Variants in GPLD1 observed in about 807,000 individuals in gnomAD.
The protein encoded by GPLD1 is glycosylphosphatidylinositol specific phospholipase D1.
Under a neutral mutation model 112.6 loss-of-function variants are expected in GPLD1, and 84 were observed. That is an observed-to-expected ratio of 0.75 (90% CI 0.63 to 0.89). GPLD1 has a LOEUF of 0.89. Among genes scored for constraint, GPLD1 ranks in the 40% least tolerant of loss-of-function variants. The pLI is 0.00. For missense variants in GPLD1, 1,044 were observed against 1,051.5 expected (o/e 0.99, Z 0.10); for synonymous variants, 386 against 403.8 (o/e 0.96, Z 0.53).
rs538819084 is a variant in GPLD1 at position 24,427,912 on chromosome 6, C to T, written c.*1120G>A. ...CTAACACACGACCAGGAACAGAAAA[C>T]CAAATACCAAGTATAGCATGTTCTC... is the stretch of plus-strand genomic sequence containing the variant. On this transcript the variant is annotated 3_prime_UTR_variant, in exon 25 of 25. Coordinates refer to ENST00000230036, the MANE Select transcript of GPLD1 (RefSeq NM_001503.4). Among the ~76,000 whole-genome samples the T allele has an allele frequency of 6.8e-6, 1 of 147,868 alleles. No homozygotes were observed. The highest frequency in any genetic ancestry group is 2.1e-4 in the South Asian group (1 of 4,666).
intron 2 of GPLD1, among the ~76,000 whole-genome samples, chr6:24,483,681 G>A (rs950879579): frequency 2.0e-5 from 3 of 151,836 alleles, no homozygotes; most frequent in South Asian, 2.1e-4. Flanking sequence ...TTAGAGAAAG[G>A]AGTTAAAGAT....
Position 24,454,021 on chromosome 6 carries a change from G to A in GPLD1, c.1329C>T (p.Gly443=), listed in dbSNP as rs1139470. The A allele has an allele frequency of 1.1e-5, 17 of 1,605,722 alleles. No individual in the cohort carries two copies. In the South Asian group the frequency reaches 1.5e-4, roughly 15 times the overall value. Reference sequence around the variant, plus strand: ...GGATGAGATGGTGTCTCACCTGGAAGCCTTCAAGGATCCTGTGGGCCTCCT... The same window carrying A: ...GGATGAGATGGTGTCTCACCTGGAAACCTTCAAGGATCCTGTGGGCCTCCT... ...LDKEAHRILE[G]FQPSGRFGSA... Residue 443 remains glycine, a synonymous_variant, in exon 14 of 25, where the codon GGC becomes GGT. Transcript: ENST00000230036.
rs141831916 is a variant in GPLD1, at chr6:24,458,161, A to T, written c.1009-1524T>A. Among the ~76,000 whole-genome samples, 3 of 151,866 alleles carry T rather than the reference A, an allele frequency of 2.0e-5. No homozygotes were observed. The East Asian group carries it at 5.8e-4, about 29-fold the overall frequency. On this transcript the variant is annotated intron_variant, in intron 12 of 24. Transcript: ENST00000230036. ...CCCAAGGGTGACATGAGACCAAACA[A>T]GATTTCCTAGGTCTGCTCCAAAGCA...
upstream of GPLD1, among the ~76,000 whole-genome samples, chr6:24,493,000 A>C (rs1346181130): frequency 6.6e-6 from 1 of 152,188 alleles, no homozygotes; most frequent in Non-Finnish European, 1.5e-5. Flanking sequence ...AGTGCTCCTA[A>C]AAGTTTTATG....
upstream of GPLD1, among the ~76,000 whole-genome samples, chr6:24,493,872 A>G (rs970032114): frequency 6.6e-6 from 1 of 152,264 alleles, no homozygotes; most frequent in Non-Finnish European, 1.5e-5. Flanking sequence ...GAGTTGAGAA[A>G]GGGAGATATG....
At chr6:24,440,254 A>C (rs1209670782) in intron 20 of GPLD1, among the ~76,000 whole-genome samples, 1 of 152,164 alleles carries the variant, frequency 6.6e-6, no homozygotes, top group Non-Finnish European at 1.5e-5. Flanking sequence ...CATGAGTTCA[A>C]GACCAGCCTG....
intron 10 of GPLD1, among the ~76,000 whole-genome samples, chr6:24,464,783 C>T (rs187236185): frequency 2.0e-5 from 3 of 152,320 alleles, no homozygotes; most frequent in South Asian, 4.1e-4. Context: ...CTAAGCTTCC[C>T]GCTCTGCCCT....
At chr6:24,469,875 TGAGA>T (rs1430039849) in intron 7 of GPLD1, among the ~76,000 whole-genome samples, 1 of 152,190 alleles carries the variant, frequency 6.6e-6, no homozygotes, top group African/African-American at 2.4e-5. Flanking sequence ...AAGAAACAAT[TGAGA>T]GACTCATTTT....
At position 24,426,706 on chromosome 6, in the gene GPLD1, T is replaced by TCC. The variant is rs35929157; in HGVS notation, c.*2325_*2326insGG. 4.7e-4 allele frequency among the ~76,000 whole-genome samples: 1 copy of TCC among 2,118 alleles called. No homozygotes were observed. The highest frequency in any genetic ancestry group is 0.024 in the Admixed American group (1 of 42). The allele number at this position is 2,118 out of a possible 152,430, so 1.4% of individuals were successfully genotyped here. The stretch of plus-strand genomic sequence containing the variant: ...TTTACTCAAGTGTCAGATGTCAGAG[T>TCC]GCTCTAACTGCTCAACTCATAAGTG... On this transcript the variant is annotated 3_prime_UTR_variant, in exon 25 of 25. Transcript: ENST00000230036.
chr6:24,456,923 T>C (rs1763285965), intron 12 of GPLD1, among the ~76,000 whole-genome samples: 1 of 152,014 alleles, frequency 6.6e-6, no homozygotes, highest in African/African-American at 2.4e-5. Flanking sequence ...CAGGCTGGAG[T>C]GCAGTGGCAC....
chr6:24,470,157 T>C (rs1020178953), intron 7 of GPLD1, among the ~76,000 whole-genome samples: 2 of 151,734 alleles, frequency 1.3e-5, no homozygotes, highest in Non-Finnish European at 2.9e-5. Flanking sequence ...TGAGATGGAG[T>C]TGGAGTCTCA....
At chr6:24,485,905 G>C (rs953910558) in intron 2 of GPLD1, among the ~76,000 whole-genome samples, 170 bp downstream of exon 2, 8 of 152,146 alleles carry the variant, frequency 5.3e-5, no homozygotes, top group Non-Finnish European at 1.0e-4. Context: ...CTGACCTCAA[G>C]TGATCCACCT....
At chr6:24,473,520 A>G in intron 6 of GPLD1, 99 bp downstream of exon 6, 1 of 739,176 alleles carries the variant, frequency 1.4e-6, no homozygotes, top group Non-Finnish European at 2.4e-6. Context: ...ACATGCAACC[A>G]GCAAAATATT....
intron 2 of GPLD1, among the ~76,000 whole-genome samples, chr6:24,482,097 ATT>A (rs66567770): frequency 1.5e-3 from 158 of 103,186 alleles, no homozygotes; most frequent in East Asian, 2.9e-3. Context: ...GTATTTTTGG[ATT>A]TTTTTTTTTT....
At chr6:24,437,346 G>A (rs369894877) in intron 20 of GPLD1, 57 bp from the exon 21 acceptor site, 11 of 1,484,052 alleles carry the variant, frequency 7.4e-6, no homozygotes, top group South Asian at 3.5e-5. Context: ...TACAGAACAC[G>A]GAATAGCACC....
intron 12 of GPLD1, among the ~76,000 whole-genome samples, chr6:24,458,225 G>T (rs1476061212): frequency 1.3e-5 from 2 of 152,012 alleles, no homozygotes; most frequent in Non-Finnish European, 2.9e-5. Context: ...AGCCCAGATG[G>T]CTCAGGCGCT....
chr6:24,445,953 T>C (rs765736588), intron 18 of GPLD1, 122 bp from the exon 19 acceptor site: 35 of 711,958 alleles, frequency 4.9e-5, no homozygotes, highest in Non-Finnish European at 8.1e-5. Flanking sequence ...GCTCTGTCTC[T>C]GCGACCCCAG....
chr6:24,484,016 C>G (rs1323209252), intron 2 of GPLD1, among the ~76,000 whole-genome samples: 1 of 151,918 alleles, frequency 6.6e-6, no homozygotes, highest in Non-Finnish European at 1.5e-5. Flanking sequence ...CCCGGGTTCA[C>G]GCCATTCTCC....
chr6:24,456,483 T>C lies in GPLD1; in HGVS notation c.1148+15A>G. 6.5e-7 allele frequency: 1 copy of C among 1,535,696 alleles called. No homozygotes were observed. The highest frequency in any genetic ancestry group is 8.9e-7 in the Non-Finnish European group (1 of 1,128,488). On this transcript the variant is annotated intron_variant, in intron 13 of 24. Coordinates refer to ENST00000230036, the MANE Select transcript of GPLD1 (RefSeq NM_001503.4). ...CTGAAGAAAACATTCACAAGTTAGATAAACTTATACGTACCAGCCAAGCCT... is the reference window on the plus strand; with the variant it reads ...CTGAAGAAAACATTCACAAGTTAGACAAACTTATACGTACCAGCCAAGCCT...
Sources: gnomAD v4.1 joint callset for allele counts (sites outside exome capture counted in the v4.1 genomes callset) on GRCh38, gnomAD v4.1.1 for gene constraint, MANE v1.5 for transcripts, NCBI Gene and HGNC (gene_info 2026-07-23, HGNC 2026-07-21) for gene names.